Variants in PCDHGA5 observed in about 807,000 individuals in gnomAD.
PCDHGA5 encodes the protein protocadherin gamma subfamily A, 5, also known as protocadherin gamma-A5.
In PCDHGA5, 36 loss-of-function variants were observed where a neutral mutation model predicts 56.7. The observed-to-expected ratio is 0.64, with a 90% CI of 0.49 to 0.84. PCDHGA5 has a LOEUF of 0.84. Ranked by LOEUF, PCDHGA5 falls within the 40% of genes least tolerant of loss-of-function variation. The pLI is 0.00. For synonymous variants in PCDHGA5, 563 were observed against 520.2 expected (o/e 1.08, Z -1.12); for missense variants, 1,305 against 1,201.5 (o/e 1.09, Z -1.27).
intron 1 of PCDHGA5, chr5:141,430,744 C>T: frequency 6.7e-7 from 1 of 1,498,404 alleles, no homozygotes; most frequent in Non-Finnish European, 8.9e-7. Flanking sequence ...GAAAATAATT[C>T]TGGAGGAAGA....
intron 3 of PCDHGA5, among the ~76,000 whole-genome samples, chr5:141,508,930 T>A (rs2099873149): frequency 6.6e-6 from 1 of 151,836 alleles, no homozygotes; most frequent in African/African-American, 2.4e-5. Context: ...CTTTTGGAGT[T>A]AATTAGGGAA....
In PCDHGA5 at chr5:141,373,351, T is replaced by A. The variant is rs147280674; in HGVS notation, c.2421+6600T>A. Among the ~76,000 whole-genome samples, 5 of 152,328 alleles carry A rather than the reference T, an allele frequency of 3.3e-5. No homozygotes were observed. In the East Asian group the frequency reaches 7.7e-4, roughly 23 times the overall value. On this transcript the variant is annotated intron_variant, in intron 1 of 3. Transcript: ENST00000518069. ...GCATCTAAAATGGCAACTCTTGTAA[T>A]GGGCACTGTAATGAATTGGTTCAAA...
rs2096370584 is a variant in PCDHGA5 at position 141,419,372 on chromosome 5, G to A, written c.2421+52621G>A. On this transcript the variant is annotated intron_variant, in intron 1 of 3. Coordinates refer to ENST00000518069, the MANE Select transcript of PCDHGA5 (RefSeq NM_018918.3). The stretch of plus-strand genomic sequence containing the variant: ...GGAGTCACGAACGCTGTCGTCCTAC[G>A]TGTCCGTGAGCGCGCAGAGCGGGGT... 2 of 1,613,728 alleles carry A rather than the reference G, an allele frequency of 1.2e-6. No homozygotes were observed. Among genetic ancestry groups the A allele is most frequent in the South Asian group, 1.1e-5 (1 of 91,088 alleles).
chr5:141,410,066 C>G, intron 1 of PCDHGA5: 1 of 1,612,912 alleles, frequency 6.2e-7, no homozygotes, highest in Non-Finnish European at 8.5e-7. Context: ...CCTGGGGCTG[C>G]GCACTGGGGA....
chr5:141,444,551 G>A (rs758187608), intron 1 of PCDHGA5, among the ~76,000 whole-genome samples: 1 of 152,022 alleles, frequency 6.6e-6, no homozygotes, highest in Non-Finnish European at 1.5e-5. Context: ...TGAGCAAAAG[G>A]CACTTATTTG....
At position 141,423,482 on chromosome 5, in the gene PCDHGA5, A is replaced by T. The variant is rs553914622; in HGVS notation, c.2421+56731A>T. On this transcript the variant is annotated intron_variant, in intron 1 of 3. Transcript: ENST00000518069. ...GTGGACGGGGTACAGGCTTTCCTGC[A>T]AACCTATTCCCACGAGGTCTCTCTC... is the stretch of plus-strand genomic sequence containing the variant. 1.1e-5 allele frequency: 17 copies of T among 1,613,968 alleles called. No homozygotes were observed. The African/African-American group carries it at 2.3e-4, about 22-fold the overall frequency.
intron 1 of PCDHGA5, chr5:141,392,278 G>C (rs2092498621): frequency 6.6e-6 from 1 of 152,148 alleles, no homozygotes; most frequent in Non-Finnish European, 1.5e-5. Flanking sequence ...ATAAAGCTTA[G>C]AGCACAATGG....
At chr5:141,505,505 G>A (rs2099846270) in intron 3 of PCDHGA5, 24 bp downstream of exon 3, 1 of 1,614,132 alleles carries the variant, frequency 6.2e-7, no homozygotes, top group Non-Finnish European at 8.5e-7. Flanking sequence ...GTGTGTGTAT[G>A]GAAGAGTGGG....
chr5:141,425,348 A>C (rs2096869744), intron 1 of PCDHGA5, among the ~76,000 whole-genome samples: 1 of 152,242 alleles, frequency 6.6e-6, no homozygotes, highest in Non-Finnish European at 1.5e-5. Context: ...GTTGGCTTTG[A>C]AATGTGATAT....
At chr5:141,384,434 G>A in intron 1 of PCDHGA5, 1 of 1,614,024 alleles carries the variant, frequency 6.2e-7, no homozygotes, top group Non-Finnish European at 8.5e-7. Flanking sequence ...TCTGACACTG[G>A]AGTCCTGTAC....
At chr5:141,496,011 T>G (rs1232125559) in intron 2 of PCDHGA5, among the ~76,000 whole-genome samples, 1 of 152,114 alleles carries the variant, frequency 6.6e-6, no homozygotes, top group African/African-American at 2.4e-5. Flanking sequence ...ATCTTGTCTT[T>G]TTTCTCTGAG....
At chr5:141,433,640 A>C (rs2097637476) in intron 1 of PCDHGA5, among the ~76,000 whole-genome samples, 2 of 152,138 alleles carry the variant, frequency 1.3e-5, no homozygotes, top group South Asian at 2.1e-4. Flanking sequence ...GTTTGAGACC[A>C]GCCTGACCAA....
intron 2 of PCDHGA5, among the ~76,000 whole-genome samples, chr5:141,503,398 C>A (rs1374324008): frequency 6.6e-6 from 1 of 151,784 alleles, no homozygotes; most frequent in African/African-American, 2.4e-5. Flanking sequence ...AGTTCGAAAC[C>A]AACCTGGCCA....
intron 1 of PCDHGA5, among the ~76,000 whole-genome samples, chr5:141,446,022 T>C (rs2098484874): frequency 1.3e-5 from 2 of 152,198 alleles, no homozygotes; most frequent in Admixed American, 1.3e-4. Flanking sequence ...TATGGCAATA[T>C]TCCTGGTAAG....
intron 1 of PCDHGA5, chr5:141,415,740 G>GTTTTTTGTTT (rs2095911797): frequency 3.9e-6 from 2 of 515,998 alleles, no homozygotes; most frequent in African/African-American, 2.8e-5. Context: ...GTTTATTAAG[G>GTTTTTTGTTT]TTTTTTTTTT....
At position 141,511,187 on chromosome 5, in the gene PCDHGA5, C is replaced by T; in HGVS notation, c.*14C>T. The stretch of plus-strand genomic sequence containing the variant: ...GAGAAGAAGTAACATGGAGGCCAGG[C>T]CAAGAGCCACAGGGCGGCCTCTCCC... On this transcript the variant is annotated 3_prime_UTR_variant, in exon 4 of 4. Transcript: ENST00000518069. The T allele has an allele frequency of 1.2e-6, 2 of 1,613,868 alleles. No homozygotes were observed. The highest frequency in any genetic ancestry group is 1.7e-6 in the Non-Finnish European group (2 of 1,179,878).
intron 1 of PCDHGA5, chr5:141,390,614 G>C (rs184586504): frequency 4.8e-5 from 14 of 289,200 alleles, no homozygotes; most frequent in Admixed American, 2.4e-4. Context: ...TTTCCTTCTT[G>C]TTGACTAATA....
rs2099883795 is a variant in PCDHGA5 at position 141,511,444 on chromosome 5, A to C, written c.*271A>C. 3.0e-6 allele frequency: 2 copies of C among 665,362 alleles called. No individual in the cohort carries two copies. The highest frequency in any genetic ancestry group is 3.6e-5 in the African/African-American group (2 of 54,978). 41.2% of individuals were successfully genotyped at this position (665,362 alleles called of 1,614,324 possible). On this transcript the variant is annotated 3_prime_UTR_variant, in exon 4 of 4. Coordinates refer to ENST00000518069, the MANE Select transcript of PCDHGA5 (RefSeq NM_018918.3). ...GGGTAGTGGGGTTACTGTAGACACC[A>C]AGAACCATTTGCCACACCCCGTTTA...
Position 141,364,242 on chromosome 5 carries a change from G to C in PCDHGA5, c.-89G>C, listed in dbSNP as rs192201180. 2.1e-6 allele frequency: 3 copies of C among 1,451,222 alleles called. No individual in the cohort carries two copies. The highest frequency in any genetic ancestry group is 2.4e-5 in the East Asian group (1 of 41,894). 89.9% of individuals were successfully genotyped at this position (1,451,222 alleles called of 1,614,324 possible). On this transcript the variant is annotated 5_prime_UTR_variant, in exon 1 of 4. Coordinates refer to ENST00000518069, the MANE Select transcript of PCDHGA5 (RefSeq NM_018918.3). ...AAGCCAACGCTCCACGCCCATTTTC[G>C]TCAGGGAATATGTACCCATCGGCTT...
Sources: allele counts gnomAD v4.1 joint callset (sites outside exome capture counted in the v4.1 genomes callset), GRCh38; gene constraint gnomAD v4.1.1; transcripts MANE v1.5; gene names NCBI Gene and HGNC (gene_info 2026-07-23, HGNC 2026-07-21).